The following MIA2 variants were observed in gnomAD, a reference collection of about 807,000 sequenced individuals.
MIA2 encodes MIA SH3 domain ER export factor 2, also known as melanoma inhibitory activity protein 2.
MIA2 carries 127 observed loss-of-function variants against 167.8 expected under a neutral mutation model. The ratio of observed to expected loss-of-function variants is 0.76; its 90% CI spans 0.66 to 0.88. The LOEUF (loss-of-function observed/expected upper bound fraction) is 0.88. Ranked by LOEUF, MIA2 falls within the 40% of genes least tolerant of loss-of-function variation. The pLI is 0.00. For missense variants in MIA2, 1,690 were observed against 1,624.7 expected, an observed-to-expected ratio of 1.04 and a Z score of -0.69; for synonymous variants, 552 against 541.9, an observed-to-expected ratio of 1.02 and a Z score of -0.26.
intron 2 of MIA2, among the ~76,000 whole-genome samples, chr14:39,239,284 G>A (rs991552663): frequency 9.2e-5 from 14 of 152,180 alleles, no homozygotes; most frequent in Non-Finnish European, 1.8e-4. Flanking sequence ...GGTGGCTCAT[G>A]CCTATAATCC....
At chr14:39,293,067 A>G (rs1368450448) in intron 10 of MIA2, among the ~76,000 whole-genome samples, 3 of 152,232 alleles carry the variant, frequency 2.0e-5, no homozygotes, top group Non-Finnish European at 4.4e-5. Flanking sequence ...TGCATGGCCT[A>G]CGAGCCTAAA....
At chr14:39,313,555 G>A in intron 19 of MIA2, 114 bp downstream of exon 19, 1 of 578,992 alleles carries the variant, frequency 1.7e-6, no homozygotes, top group East Asian at 3.5e-5. Context: ...AAATCTGACA[G>A]GTGGTACAGA....
chr14:39,355,348 C>T (rs541694155), downstream of MIA2, among the ~76,000 whole-genome samples: 17 of 152,246 alleles, frequency 1.1e-4, no homozygotes, highest in South Asian at 3.1e-3. Context: ...ATTTGGCTTT[C>T]TGTTTGTCTA....
At chr14:39,381,667 G>GTTTTTTTT (rs398057014) in intron 23 of MIA2, among the ~76,000 whole-genome samples, 1 of 145,318 alleles carries the variant, frequency 6.9e-6, no homozygotes, top group African/African-American at 2.5e-5. Context: ...TTTGCTGGCT[G>GTTTTTTTT]TTTTTTTTTT....
chr14:39,346,142 C>A (rs1595879046), intron 26 of MIA2, 116 bp downstream of exon 26: 1 of 796,514 alleles, frequency 1.3e-6, no homozygotes, highest in Non-Finnish European at 2.1e-6. Flanking sequence ...AGGCCAAAAT[C>A]TCTTTCCTGA....
chr14:39,265,402 T>C, intron 6 of MIA2: 2 of 1,611,050 alleles, frequency 1.2e-6, no homozygotes, highest in South Asian at 1.1e-5. Context: ...GAAATGGAAT[T>C]GAAAAGTCCA....
intron 6 of MIA2, chr14:39,269,095 T>TTTTTTTTTTTTTG (rs2056638077): frequency 1.1e-6 from 1 of 928,998 alleles, no homozygotes; most frequent in Non-Finnish European, 1.3e-6. Context: ...TTTTTTTTTT[T>TTTTTTTTTTTTTG]TTTTGCTAAA....
chr14:39,327,189 A>C (rs1373140559), intron 25 of MIA2, among the ~76,000 whole-genome samples, 167 bp downstream of exon 25: 2 of 152,250 alleles, frequency 1.3e-5, no homozygotes, highest in Non-Finnish European at 2.9e-5. Context: ...ATTTGAGATA[A>C]TTGTTCATAT....
At position 39,288,432 on chromosome 14, in the gene MIA2, CATATATATAT is replaced by C. The variant is rs759995143; in HGVS notation, c.2131-2552_2131-2543del. Among the ~76,000 whole-genome samples the C allele has an allele frequency of 8.3e-3, 434 of 52,500 alleles. 7 individuals are homozygous for C. Among genetic ancestry groups the C allele is most frequent in the African/African-American group, 0.016 (205 of 12,500 alleles). The allele number at this position is 52,500 out of a possible 152,430, so 34.4% of individuals were successfully genotyped here. A position where few individuals can be genotyped will look rare whatever the true frequency, so the allele number is the denominator to read the frequency against. On this transcript the variant is annotated intron_variant, in intron 9 of 28. Transcript: ENST00000640607. ...TTGATTTGAGCGTGTATATATTATA[CATATATATAT>C]ATATATATATATATATATATATATA... is the stretch of plus-strand genomic sequence containing the variant.
intron 24 of MIA2, among the ~76,000 whole-genome samples, chr14:39,325,319 C>G (rs184737216): frequency 6.6e-6 from 1 of 151,610 alleles, no homozygotes; most frequent in African/African-American, 2.4e-5. Flanking sequence ...CCTTTTCCCT[C>G]TCAATGACAG....
intron 23 of MIA2, among the ~76,000 whole-genome samples, chr14:39,363,516 G>A (rs1471133438): frequency 6.6e-6 from 1 of 152,180 alleles, no homozygotes; most frequent in Non-Finnish European, 1.5e-5. Flanking sequence ...GTGACACAGC[G>A]AGACCCTGTC....
At chr14:39,375,893 T>A (rs971392292) in intron 23 of MIA2, among the ~76,000 whole-genome samples, 1 of 152,220 alleles carries the variant, frequency 6.6e-6, no homozygotes, top group African/African-American at 2.4e-5. Context: ...AGCAGGATAT[T>A]GTTATTTTAG....
chr14:39,385,397 C>G (rs777490751), intron 23 of MIA2: 141 of 1,276,470 alleles, frequency 1.1e-4, no homozygotes, highest in African/African-American at 2.6e-4. Flanking sequence ...AGAGGTCATA[C>G]TCAGGCAGGT....
At chr14:39,304,463 T>A in intron 17 of MIA2, 82 bp downstream of exon 17, 2 of 757,294 alleles carry the variant, frequency 2.6e-6, no homozygotes, top group Non-Finnish European at 4.2e-6. Context: ...TGAATTGAAT[T>A]AACTTTGGGA....
intron 17 of MIA2, among the ~76,000 whole-genome samples, chr14:39,304,616 A>G (rs930979335): frequency 6.6e-6 from 1 of 152,138 alleles, no homozygotes; most frequent in African/African-American, 2.4e-5. Context: ...ATTTTTTAAA[A>G]AACATGTAAA....
At position 39,345,928 on chromosome 14, in the gene MIA2, T is replaced by C; in HGVS notation, c.3680T>C (p.Leu1227Pro). ...GGACAATCATATCCTGATTCAGCCCTTCCTCCACAAAGGCAAGACAGATTT... is the reference window on the plus strand; with the variant it reads ...GGACAATCATATCCTGATTCAGCCCCTCCTCCACAAAGGCAAGACAGATTT... ...PPGQSYPDSA[L>P]PPQRQDRFCS... Residue 1227 changes from leucine (L) to proline (P), a missense_variant, in exon 26 of 29, where the codon CTT (leucine) becomes CCT (proline). By Grantham distance (98) the Leu-to-Pro change is moderately conservative (BLOSUM62 -3). Coordinates refer to ENST00000640607, the MANE Select transcript of MIA2 (RefSeq NM_001329214.4). The C allele has an allele frequency of 6.2e-7, 1 of 1,611,522 alleles. No homozygotes were observed. The highest frequency in any genetic ancestry group is 8.5e-7 in the Non-Finnish European group (1 of 1,178,842).
intron 3 of MIA2, among the ~76,000 whole-genome samples, chr14:39,244,093 C>A (rs1366806067): frequency 1.3e-5 from 2 of 152,230 alleles, no homozygotes; most frequent in African/African-American, 4.8e-5. Flanking sequence ...AGGGCAGGGC[C>A]TTCCCTGGAA....
At position 39,238,811 on chromosome 14, in the gene MIA2, A is replaced by AAAAAAAAAAAAAAC; in HGVS notation, c.250-1750_250-1749insAAAAAAAAAAAAAC. 3.8e-3 allele frequency among the ~76,000 whole-genome samples: 390 copies of AAAAAAAAAAAAAAC among 103,510 alleles called. 31 individuals carry two copies. The highest frequency in any genetic ancestry group is 9.1e-3 in the African/African-American group (232 of 25,506). 67.9% of individuals were successfully genotyped at this position (103,510 alleles called of 152,430 possible). ...CCTGTCTCAAAAAAAAAAAAAAAAA[A>AAAAAAAAAAAAAAC]CCCAAAAAACAAAAAAACCTAGCTG... On this transcript the variant is annotated intron_variant, in intron 2 of 28. Coordinates refer to ENST00000640607, the MANE Select transcript of MIA2 (RefSeq NM_001329214.4).
At chr14:39,295,781 A>G (rs1001267849) in intron 13 of MIA2, among the ~76,000 whole-genome samples, 1 of 152,122 alleles carries the variant, frequency 6.6e-6, no homozygotes, top group Non-Finnish European at 1.5e-5. Flanking sequence ...GATGGTCTCA[A>G]TCTCTTGACC....
Sources: allele counts gnomAD v4.1 joint callset (sites outside exome capture counted in the v4.1 genomes callset), GRCh38; gene constraint gnomAD v4.1.1; transcripts MANE v1.5; gene names NCBI Gene and HGNC (gene_info 2026-07-23, HGNC 2026-07-21).